The following KIF27 variants were observed in gnomAD, a reference collection of about 807,000 sequenced individuals.
KIF27 encodes the protein kinesin-like protein KIF27.
KIF27 carries 84 observed loss-of-function variants against 141.8 expected under a neutral mutation model. That is an observed-to-expected ratio of 0.59 (90% CI 0.50 to 0.71). KIF27 has a LOEUF of 0.71. Ranked by LOEUF, KIF27 falls within the 30% of genes least tolerant of loss-of-function variation. The probability of loss-of-function intolerance (pLI) is 0.00; values close to 1 mark genes in which losing one functional copy is unlikely to be tolerated. For synonymous variants in KIF27, 471 were observed against 569.5 expected, an observed-to-expected ratio of 0.83 and a Z score of 2.46; for missense variants, 1,306 against 1,628.4, an observed-to-expected ratio of 0.80 and a Z score of 3.41.
At chr9:83,865,950 A>C (rs1950320309) in intron 13 of KIF27, among the ~76,000 whole-genome samples, 2 of 152,106 alleles carry the variant, frequency 1.3e-5, no homozygotes, top group South Asian at 4.1e-4. Flanking sequence ...ATCTCCGGCT[A>C]GGAAGTATAA....
At chr9:83,921,087 G>A (rs546909134) in intron 1 of KIF27, among the ~76,000 whole-genome samples, 1 of 152,170 alleles carries the variant, frequency 6.6e-6, no homozygotes, top group Admixed American at 6.5e-5. Context: ...GCTCCTCAGG[G>A]CTGACCCAAC....
chr9:83,873,845 C>A (rs1003133718), intron 11 of KIF27, among the ~76,000 whole-genome samples: 6 of 152,016 alleles, frequency 3.9e-5, no homozygotes, highest in African/African-American at 1.4e-4. Context: ...GTCAGGAGAT[C>A]GAGACCATCC....
At chr9:83,848,410 T>TA (rs1001564276) in intron 16 of KIF27, among the ~76,000 whole-genome samples, 7 of 137,350 alleles carry the variant, frequency 5.1e-5, no homozygotes, top group Non-Finnish European at 9.2e-5. Flanking sequence ...TATGCATATA[T>TA]GATATATATG....
At chr9:83,891,597 T>C (rs1335353684) in intron 5 of KIF27, 96 bp from the exon 6 acceptor site, 4 of 1,099,746 alleles carry the variant, frequency 3.6e-6, no homozygotes, top group African/African-American at 1.6e-5. Flanking sequence ...AAATCATAAC[T>C]ACTTTAATAA....
chr9:83,872,740 A>G (rs1950896642), intron 11 of KIF27, among the ~76,000 whole-genome samples: 1 of 152,200 alleles, frequency 6.6e-6, no homozygotes, highest in Non-Finnish European at 1.5e-5. Flanking sequence ...GGCAGAAAGG[A>G]GAAAAGAGAC....
In KIF27 at chr9:83,891,181, T is replaced by A. The variant is rs1166106401; in HGVS notation, c.1809+114A>T. The A allele has an allele frequency of 8.0e-6, 6 of 751,068 alleles. No homozygotes were observed. In the East Asian group the frequency reaches 1.3e-4, roughly 16 times the overall value. The allele number at this position is 751,068 out of a possible 1,614,324, so 46.5% of individuals were successfully genotyped here. A position where few individuals can be genotyped will look rare whatever the true frequency, so the allele number is the denominator to read the frequency against. ...CTTAAAAGAAAAGGTATACACAAAATTCCATAAAATCAAACAAAAAAAATC... is the reference window on the plus strand; with the variant it reads ...CTTAAAAGAAAAGGTATACACAAAAATCCATAAAATCAAACAAAAAAAATC... On this transcript the variant is annotated intron_variant, in intron 6 of 17. Coordinates refer to ENST00000297814, the MANE Select transcript of KIF27 (RefSeq NM_017576.4).
intron 9 of KIF27, among the ~76,000 whole-genome samples, chr9:83,884,385 G>T (rs1198631905): frequency 1.3e-5 from 2 of 151,980 alleles, no homozygotes; most frequent in Non-Finnish European, 2.9e-5. Flanking sequence ...CCAGCCTCCT[G>T]CTACCAATAA....
intron 9 of KIF27, among the ~76,000 whole-genome samples, chr9:83,884,738 T>C (rs1951948175): frequency 6.6e-6 from 1 of 152,206 alleles, no homozygotes; most frequent in Admixed American, 6.5e-5. Context: ...TGCCTCAAAA[T>C]GTGTCTCACA....
In KIF27 at chr9:83,903,202, A is replaced by G; in HGVS notation, c.1316T>C (p.Leu439Pro). The change falls in exon 4 of 18, where the codon CTG (leucine) becomes CCG (proline). Residue 439 changes from leucine to proline, a missense_variant. Physicochemically the swap from Leu to Pro is moderately conservative, Grantham distance 98. Coordinates refer to ENST00000297814, the MANE Select transcript of KIF27 (RefSeq NM_017576.4). ...VRLNEKQQHK[L>P]QEWFNMIQEV... ...TTGGATCATGTTAAACCACTCCTGCAGTTTGTGTTGCTGCTTTTCGTTTAG... is the reference window on the plus strand; with the variant it reads ...TTGGATCATGTTAAACCACTCCTGCGGTTTGTGTTGCTGCTTTTCGTTTAG... The G allele has an allele frequency of 1.2e-6, 2 of 1,614,130 alleles. No individual in the cohort carries two copies. Among genetic ancestry groups the G allele is most frequent in the Non-Finnish European group, 1.7e-6 (2 of 1,180,034 alleles).
chr9:83,908,465 T>C lies in KIF27; in HGVS notation c.486A>G (p.Glu162=), dbSNP rs923880280. The C allele has an allele frequency of 3.1e-6, 5 of 1,606,688 alleles. No homozygotes were observed. The highest frequency in any genetic ancestry group is 1.1e-5 in the South Asian group (1 of 89,418). Residue 162 remains glutamate, a synonymous_variant, in exon 3 of 18, where the codon GAA becomes GAG. Transcript: ENST00000297814. ...GTGCTACTTTACCTGTGTTTCCTTT[T>C]TCATCTTCTCGGATGTGAAGATCCT... ...SMKDLHIRED[E]KGNTVIVGAK... is the part of the protein sequence containing the mutation.
intron 13 of KIF27, among the ~76,000 whole-genome samples, chr9:83,863,115 T>C (rs1950077625): frequency 6.6e-6 from 1 of 152,100 alleles, no homozygotes; most frequent in African/African-American, 2.4e-5. Flanking sequence ...ATCATGTCAT[T>C]TGCAAACAGG....
At position 83,848,071 on chromosome 9, in the gene KIF27, ATATATGATATAT is replaced by A; in HGVS notation, c.3556+2016_3556+2027del. 1.3e-4 allele frequency among the ~76,000 whole-genome samples: 2 copies of A among 14,864 alleles called. 1 individual carries two copies. The highest frequency in any genetic ancestry group is 5.1e-3 in the South Asian group (2 of 396). 9.8% of individuals were successfully genotyped at this position (14,864 alleles called of 152,430 possible). A position where few individuals can be genotyped will look rare whatever the true frequency, so the allele number is the denominator to read the frequency against. ...CATATATCTATATATCATATATATG[ATATATGATATAT>A]CATATATATGATATATATGATATCT... On this transcript the variant is annotated intron_variant, in intron 16 of 17. Coordinates refer to ENST00000297814, the MANE Select transcript of KIF27 (RefSeq NM_017576.4).
intron 13 of KIF27, among the ~76,000 whole-genome samples, chr9:83,863,394 G>A (rs1357624358): frequency 6.6e-6 from 1 of 152,158 alleles, no homozygotes; most frequent in African/African-American, 2.4e-5. Flanking sequence ...AAGGGCTGTT[G>A]AATTTTGTCA....
chr9:83,853,290 T>G (rs1948819199), intron 15 of KIF27, among the ~76,000 whole-genome samples: 2 of 151,998 alleles, frequency 1.3e-5, no homozygotes, highest in African/African-American at 4.8e-5. Flanking sequence ...TGATTTTTCA[T>G]GAGTGCCAGG....
At position 83,899,729 on chromosome 9, in the gene KIF27, T is replaced by C. The variant is rs756294201; in HGVS notation, c.1534A>G (p.Met512Val). ...TGCCCTTTGTTTTCCTGTACCATCATCTGCACTTGATTCTTCAGTTCCTTC... is the reference window on the plus strand; with the variant it reads ...TGCCCTTTGTTTTCCTGTACCATCACCTGCACTTGATTCTTCAGTTCCTTC... ...EVKELKNQVQ[M>V]MVQENKGHAV... Residue 512 changes from methionine to valine, a missense_variant, in exon 5 of 18, where the codon ATG becomes GTG. Physicochemically the swap from Met to Val is conservative, Grantham distance 21 (BLOSUM62 1). Transcript: ENST00000297814. 1 of 1,613,520 alleles carries C rather than the reference T, an allele frequency of 6.2e-7. No individual in the cohort carries two copies. Among genetic ancestry groups the C allele is most frequent in the East Asian group, 2.2e-5 (1 of 44,838 alleles).
chr9:83,914,000 T>C (rs890674593), intron 2 of KIF27, among the ~76,000 whole-genome samples: 2 of 152,046 alleles, frequency 1.3e-5, no homozygotes, highest in African/African-American at 4.8e-5. Context: ...CTATTTCTTC[T>C]GATAGAGGGA....
chr9:83,885,345 G>A (rs1301683982), intron 9 of KIF27, among the ~76,000 whole-genome samples: 6 of 151,948 alleles, frequency 3.9e-5, no homozygotes, highest in African/African-American at 1.4e-4. Flanking sequence ...TGCCCACCTC[G>A]GCCTCCCAAA....
In KIF27 at chr9:83,915,381, A is replaced by T. The variant is rs755324153; in HGVS notation, c.211T>A (p.Ser71Thr). 4 of 1,613,890 alleles carry T rather than the reference A, an allele frequency of 2.5e-6. No individual in the cohort carries two copies. Among genetic ancestry groups the T allele is most frequent in the Admixed American group, 1.7e-5 (1 of 60,014 alleles). ...YNTCIKPLVL[S>T]LIEGYNATVF... ...GTTGCATTATAGCCCTCAATGAGTG[A>T]CAACACTAGGGGCTTTATACATGTG... is the stretch of plus-strand genomic sequence containing the variant. Residue 71 changes from serine to threonine, a missense_variant, in exon 2 of 18, where the codon TCA (serine) becomes ACA (threonine). Ser to Thr is a moderately conservative substitution (Grantham distance 58). Coordinates refer to ENST00000297814, the MANE Select transcript of KIF27 (RefSeq NM_017576.4).
Position 83,850,122 on chromosome 9 carries a change from T to C in KIF27, c.3533A>G (p.Gln1178Arg), listed in dbSNP as rs764428820. ...LQQKEHEQKMQLLLHHFKEQD... is the reference protein window; with the variant it reads ...LQQKEHEQKMRLLLHHFKEQD... ...ACCTTTGAAATGATGTAATAGCAAC[T>C]GCATCTTTTGTTCGTGTTCCTTTTG... Residue 1178 changes from glutamine (Q) to arginine (R), a missense_variant, in exon 16 of 18, where the codon CAG (glutamine) becomes CGG (arginine). Physicochemically the swap from Gln to Arg is conservative, Grantham distance 43. Coordinates refer to ENST00000297814, the MANE Select transcript of KIF27 (RefSeq NM_017576.4). 3.1e-6 allele frequency: 5 copies of C among 1,613,982 alleles called. No homozygotes were observed.
Sources: gnomAD v4.1 joint callset for allele counts (sites outside exome capture counted in the v4.1 genomes callset) on GRCh38, gnomAD v4.1.1 for gene constraint, MANE v1.5 for transcripts, NCBI Gene and HGNC (gene_info 2026-07-23, HGNC 2026-07-21) for gene names.